The following IL13RA1 variants were observed in gnomAD, a reference collection of about 807,000 sequenced individuals.
The protein encoded by IL13RA1 is interleukin-13 receptor subunit alpha-1.
A neutral mutation model predicts 33.8 loss-of-function variants in IL13RA1; 14 were observed. The ratio of observed to expected loss-of-function variants is 0.41; its 90% CI spans 0.27 to 0.65. IL13RA1 has a LOEUF of 0.65. IL13RA1 is among the 30% of genes least tolerant of loss of function. The pLI is 0.28. For missense variants in IL13RA1, 313 were observed against 327.0 expected (o/e 0.96, Z 0.33); for synonymous variants, 116 against 115.7 (o/e 1.00, Z -0.02).
At position 118,793,634 on chromosome X, in the gene IL13RA1, A is replaced by G. The variant is rs1237201899; in HGVS notation, c.*1780A>G. 1.8e-5 allele frequency: 2 copies of G among 112,001 alleles called. No individual in the cohort carries two copies. The highest frequency in any genetic ancestry group is 3.8e-5 in the Non-Finnish European group (2 of 53,173). 9.2% of individuals were successfully genotyped at this position (112,001 alleles called of 1,213,427 possible). A position where few individuals can be genotyped will look rare whatever the true frequency, so the allele number is the denominator to read the frequency against. On this transcript the variant is annotated 3_prime_UTR_variant, in exon 11 of 11. Transcript: ENST00000371666. ...TTTCTCTCCTCACACACAGACTCAT[A>G]TTACTGGTAGGAACTTGAGAACTTT... is the stretch of plus-strand genomic sequence containing the variant.
intron 10 of IL13RA1, among the ~76,000 whole-genome samples, chrX:118,777,652 C>A (rs1373453261): frequency 9.0e-6 from 1 of 111,306 alleles, no homozygotes; most frequent in Non-Finnish European, 1.9e-5. Context: ...AGGCTAGACT[C>A]CAAAGATATA....
rs2017553733 is a variant in IL13RA1, at chrX:118,758,152, A to C, written c.586A>C (p.Ser196Arg). The change falls in exon 5 of 11, where the codon AGT becomes CGT. Residue 196 changes from serine to arginine, a missense_variant. Ser to Arg is a moderately radical substitution (Grantham distance 110, BLOSUM62 -1). Coordinates refer to ENST00000371666, the MANE Select transcript of IL13RA1 (RefSeq NM_001560.3). ...TGATCTGACCAAAGTGAAGGATTCC[A>C]GTTTTGAACAACACAGTGTCCAAAT... Reference protein sequence around the residue: ...SFDLTKVKDSSFEQHSVQIMV... With the variant: ...SFDLTKVKDSRFEQHSVQIMV... The C allele has an allele frequency of 8.8e-7, 1 of 1,138,906 alleles. No homozygotes were observed. Among genetic ancestry groups the C allele is most frequent in the Non-Finnish European group, 1.2e-6 (1 of 831,176 alleles). The allele number at this position is 1,138,906 out of a possible 1,213,427, so 93.9% of individuals were successfully genotyped here.
At chrX:118,729,290 C>G (rs991237749) in intron 1 of IL13RA1, among the ~76,000 whole-genome samples, 3 of 112,322 alleles carry the variant, frequency 2.7e-5, no homozygotes, top group Non-Finnish European at 5.6e-5. Flanking sequence ...CTCCCAACTT[C>G]ATCAGTCCTG....
At chrX:118,803,357 C>T in the IL13RA1 span, among the ~76,000 whole-genome samples, 7 of 112,252 alleles carry the variant, frequency 6.2e-5, no homozygotes, top group Admixed American at 1.9e-4. Context: ...AATGGTCAAT[C>T]TTATTTCATT....
At chrX:118,758,890 T>G (rs917535633) in intron 5 of IL13RA1, 17 of 111,687 alleles carry the variant, frequency 1.5e-4, no homozygotes, top group African/African-American at 5.2e-4. Context: ...ACTGCCACAT[T>G]GGGGATGAAG....
At chrX:118,778,147 G>A (rs957326668) in intron 10 of IL13RA1, among the ~76,000 whole-genome samples, 6 of 111,901 alleles carry the variant, frequency 5.4e-5, no homozygotes. Context: ...CCTTGTAAGT[G>A]CTTAATAAGT....
At chrX:118,765,550 C>T (rs2017638620) in intron 6 of IL13RA1, among the ~76,000 whole-genome samples, 1 of 112,218 alleles carries the variant, frequency 8.9e-6, no homozygotes, top group Non-Finnish European at 1.9e-5. Context: ...ATACTTTATC[C>T]ATTCTCCCAT....
rs180982072 is a variant in IL13RA1, at chrX:118,755,846, C to T, written c.489-2209C>T. ...AGGACAGTCTGATCCAAAAACTAGT[C>T]ATGACAATAACTTCATTTTTACAAC... On this transcript the variant is annotated intron_variant, in intron 4 of 10. Transcript: ENST00000371666. Among the ~76,000 whole-genome samples, 400 of 112,184 alleles carry T rather than the reference C, an allele frequency of 3.6e-3. 3 individuals carry two copies. The Middle Eastern group carries it at 0.078, about 22-fold the overall frequency.
intron 1 of IL13RA1, among the ~76,000 whole-genome samples, chrX:118,732,645 C>T (rs1186959203): frequency 1.9e-5 from 2 of 107,971 alleles, no homozygotes; most frequent in Admixed American, 2.0e-4. Flanking sequence ...TGAGTGAGAA[C>T]ATGCAGTGTT....
intron 4 of IL13RA1, among the ~76,000 whole-genome samples, chrX:118,752,780 T>A (rs1407604666): frequency 8.9e-6 from 1 of 112,191 alleles, no homozygotes; most frequent in Non-Finnish European, 1.9e-5. Flanking sequence ...TGATGACTTA[T>A]GAGGTATAAG....
intron 10 of IL13RA1, among the ~76,000 whole-genome samples, chrX:118,789,947 A>C (rs2017958935): frequency 9.0e-6 from 1 of 111,605 alleles, no homozygotes; most frequent in Admixed American, 9.6e-5. Context: ...AATTTTTTCA[A>C]ATTGTTTTTA....
At chrX:118,765,960 A>G (rs905558927) in intron 6 of IL13RA1, among the ~76,000 whole-genome samples, 3 of 111,985 alleles carry the variant, frequency 2.7e-5, no homozygotes, top group African/African-American at 6.5e-5. Flanking sequence ...GTTTTTTTAA[A>G]ATTGGGTTTT....
At chrX:118,762,960 G>A (rs1178448295) in intron 6 of IL13RA1, among the ~76,000 whole-genome samples, 2 of 111,881 alleles carry the variant, frequency 1.8e-5, no homozygotes, top group Non-Finnish European at 3.8e-5. Flanking sequence ...TCACTTATAA[G>A]TGGGAGCTGG....
chrX:118,781,805 C>A (rs2017846865), intron 10 of IL13RA1, among the ~76,000 whole-genome samples: 1 of 112,271 alleles, frequency 8.9e-6, no homozygotes, highest in African/African-American at 3.2e-5. Context: ...CAGATATTAT[C>A]CAGTCATCTC....
At chrX:118,746,170 C>T (rs2017402025) in intron 2 of IL13RA1, among the ~76,000 whole-genome samples, 1 of 110,745 alleles carries the variant, frequency 9.0e-6, no homozygotes, top group Admixed American at 9.7e-5. Context: ...CTGCATTGTC[C>T]AGGCTAGAGT....
At chrX:118,785,131 T>A (rs889368266) in intron 10 of IL13RA1, among the ~76,000 whole-genome samples, 3 of 111,417 alleles carry the variant, frequency 2.7e-5, no homozygotes, top group African/African-American at 9.8e-5. Context: ...AGGGTCTTGC[T>A]CTGTTGGCTG....
intron 3 of IL13RA1, 87 bp from the exon 4 acceptor site, chrX:118,749,571 C>A: frequency 1.1e-6 from 1 of 911,906 alleles, no homozygotes; most frequent in Non-Finnish European, 1.6e-6. Flanking sequence ...GCATGAAGCA[C>A]TCTCATCATC....
downstream of IL13RA1, among the ~76,000 whole-genome samples, chrX:118,798,750 A>G (rs1178535619): frequency 1.8e-5 from 2 of 112,203 alleles, no homozygotes; most frequent in African/African-American, 3.2e-5. Flanking sequence ...GTCTCATTCT[A>G]TTGCCCAGGC....
intron 2 of IL13RA1, among the ~76,000 whole-genome samples, chrX:118,743,164 C>T (rs1395816148): frequency 9.0e-6 from 1 of 111,698 alleles, no homozygotes; most frequent in East Asian, 2.8e-4. Context: ...TCAAGTTTAT[C>T]ATCAGGAGGC....
Sources: gnomAD v4.1 joint callset for allele counts (sites outside exome capture counted in the v4.1 genomes callset) on GRCh38, gnomAD v4.1.1 for gene constraint, MANE v1.5 for transcripts, NCBI Gene and HGNC (gene_info 2026-07-23, HGNC 2026-07-21) for gene names.